Variants in HPSE2 observed in about 807,000 individuals in gnomAD.
HPSE2 encodes the protein heparanase 2 (inactive).
Under a neutral mutation model 60.5 loss-of-function variants are expected in HPSE2, and 38 were observed. The ratio of observed to expected loss-of-function variants is 0.63; its 90% confidence interval spans 0.48 to 0.82. HPSE2 has a LOEUF of 0.82. HPSE2 is among the 40% of genes least tolerant of loss of function. HPSE2 has a pLI of 0.00. For missense variants in HPSE2, 713 were observed against 740.4 expected (o/e 0.96, Z 0.43); for synonymous variants, 295 against 293.2 (o/e 1.01, Z -0.06).
chr10:98,825,635 TG>T (rs1428908645), intron 3 of HPSE2, among the ~76,000 whole-genome samples: 8 of 101,360 alleles, frequency 7.9e-5, no homozygotes, highest in African/African-American at 3.1e-4. Flanking sequence ...GGGGGAGGTG[TG>T]GGGGGGAGTG....
intron 6 of HPSE2, among the ~76,000 whole-genome samples, chr10:98,673,177 A>G (rs545242864): frequency 2.0e-4 from 30 of 152,314 alleles, no homozygotes; most frequent in African/African-American, 7.2e-4. Flanking sequence ...AGACGTGTTC[A>G]CTCACAGAGT....
At chr10:98,569,744 A>G (rs2133894454) in intron 9 of HPSE2, among the ~76,000 whole-genome samples, 1 of 152,288 alleles carries the variant, frequency 6.6e-6, no homozygotes, top group South Asian at 2.1e-4. Context: ...ACAGATGAGC[A>G]GGGCTAAAGG....
intron 3 of HPSE2, among the ~76,000 whole-genome samples, chr10:98,933,882 CCACCA>C (rs1954713777): frequency 7.1e-6 from 1 of 141,508 alleles, no homozygotes; most frequent in Admixed American, 7.0e-5. Context: ...CAGGCGCCCA[CCACCA>C]CACCCGGCTA....
At chr10:98,739,713 G>A (rs986949850) in intron 4 of HPSE2, among the ~76,000 whole-genome samples, 5 of 152,058 alleles carry the variant, frequency 3.3e-5, no homozygotes, top group Non-Finnish European at 4.4e-5. Context: ...TATAGGTCAG[G>A]TTATGGGTAT....
chr10:98,882,400 T>C (rs1953048259), intron 3 of HPSE2, among the ~76,000 whole-genome samples: 1 of 152,112 alleles, frequency 6.6e-6, no homozygotes, highest in Admixed American at 6.6e-5. Flanking sequence ...ATATTTTTTT[T>C]TTCTCAAAAG....
chr10:99,219,405 A>C (rs528196568), intron 2 of HPSE2, among the ~76,000 whole-genome samples: 1 of 152,276 alleles, frequency 6.6e-6, no homozygotes, highest in Admixed American at 6.5e-5. Flanking sequence ...AGAATCCAGG[A>C]GTAAACTCAC....
At chr10:99,262,986 G>A in the HPSE2 span, among the ~76,000 whole-genome samples, 5 of 152,084 alleles carry the variant, frequency 3.3e-5, no homozygotes, top group Admixed American at 6.5e-5. Flanking sequence ...CTGTGTGGTC[G>A]GAATTCTTAC....
At chr10:99,314,790 A>C in the HPSE2 span, among the ~76,000 whole-genome samples, 1 of 152,238 alleles carries the variant, frequency 6.6e-6, no homozygotes, top group Admixed American at 6.5e-5. Flanking sequence ...AGATAGGAAA[A>C]GTGACCATTT....
intron 5 of HPSE2, 93 bp from the exon 6 acceptor site, chr10:98,694,040 T>C (rs1016206303): frequency 4.9e-6 from 5 of 1,011,804 alleles, no homozygotes; most frequent in African/African-American, 1.6e-5. Context: ...ATTAGACCAA[T>C]CCTTAAGCAG....
At chr10:98,568,709 C>T (rs1944414289) in intron 9 of HPSE2, among the ~76,000 whole-genome samples, 1 of 152,148 alleles carries the variant, frequency 6.6e-6, no homozygotes, top group Non-Finnish European at 1.5e-5. Context: ...GGTTCTTTCC[C>T]CTCAACCCCA....
At chr10:98,907,427 G>A (rs1953854440) in intron 3 of HPSE2, among the ~76,000 whole-genome samples, 1 of 152,136 alleles carries the variant, frequency 6.6e-6, no homozygotes, top group African/African-American at 2.4e-5. Flanking sequence ...CTTGAGCCTA[G>A]GAGTTTGATG....
chr10:98,777,662 A>G (rs923000846), intron 3 of HPSE2, among the ~76,000 whole-genome samples: 7 of 152,152 alleles, frequency 4.6e-5, no homozygotes, highest in African/African-American at 1.7e-4. Flanking sequence ...TTATAACAAA[A>G]CAATTTTTAA....
At chr10:98,620,576 G>A (rs1431732395) in intron 8 of HPSE2, 26 bp downstream of exon 8, 1 of 1,538,776 alleles carries the variant, frequency 6.5e-7, no homozygotes, top group Non-Finnish European at 9.0e-7. Context: ...AAAGCCCCTG[G>A]GGGTGAACTT....
chr10:99,267,777 C>CAA, the HPSE2 span, among the ~76,000 whole-genome samples: 192 of 130,114 alleles, frequency 1.5e-3, no homozygotes, highest in Non-Finnish European at 2.0e-3. Context: ...GAGACTCCAT[C>CAA]AAAAAAAAAA....
At chr10:99,256,836 G>A in the HPSE2 span, among the ~76,000 whole-genome samples, 3 of 152,070 alleles carry the variant, frequency 2.0e-5, no homozygotes, top group Admixed American at 1.3e-4. Flanking sequence ...AGCAGATCAC[G>A]AGGTCAAGAG....
At chr10:98,490,241 T>G in intron 9 of HPSE2, 45 bp from the exon 10 acceptor site, 1 of 1,578,480 alleles carries the variant, frequency 6.3e-7, no homozygotes, top group Middle Eastern at 1.7e-4. Context: ...GAACACATGC[T>G]CAGGTGTTCT....
chr10:98,880,195 T>G (rs1396088396), intron 3 of HPSE2, among the ~76,000 whole-genome samples: 1 of 152,020 alleles, frequency 6.6e-6, no homozygotes, highest in Non-Finnish European at 1.5e-5. Flanking sequence ...AGTTAGAATA[T>G]TTTAGGGTTT....
Position 98,913,721 on chromosome 10 carries a change from G to C in HPSE2, c.611-169665C>G, listed in dbSNP as rs1294947851. Among the ~76,000 whole-genome samples, 5 of 152,224 alleles carry C rather than the reference G, an allele frequency of 3.3e-5. No homozygotes were observed. The East Asian group carries it at 7.7e-4, about 24-fold the overall frequency. ...CTGACTGCCTGCCCATCATGGCTTG[G>C]AGATGCCTGAATTAGAGCAATAAAA... On this transcript the variant is annotated intron_variant, in intron 3 of 11. Transcript: ENST00000370552.
At chr10:98,552,553 T>G (rs555251828) in intron 9 of HPSE2, among the ~76,000 whole-genome samples, 1 of 152,136 alleles carries the variant, frequency 6.6e-6, no homozygotes, top group Non-Finnish European at 1.5e-5. Flanking sequence ...GGACCTACAG[T>G]ATATAAAAAA....
Sources: allele counts gnomAD v4.1 joint callset (sites outside exome capture counted in the v4.1 genomes callset), GRCh38; gene constraint gnomAD v4.1.1; transcripts MANE v1.5; gene names NCBI Gene and HGNC (gene_info 2026-07-23, HGNC 2026-07-21).